The following ZNF565 variants were observed in gnomAD, a reference collection of about 807,000 sequenced individuals.
ZNF565 encodes zinc finger protein 565.
In ZNF565, 27 loss-of-function variants were observed where a neutral mutation model predicts 39.4. The observed-to-expected ratio is 0.69, with a 90% CI of 0.51 to 0.95. The LOEUF (loss-of-function observed/expected upper bound fraction) is 0.95, where lower values mean the gene tolerates loss of function less well. ZNF565 is among the 40% of genes least tolerant of loss of function. The pLI is 0.00. For missense variants in ZNF565, 524 were observed against 621.1 expected, an observed-to-expected ratio of 0.84 and a Z score of 1.66; for synonymous variants, 185 against 216.6, an observed-to-expected ratio of 0.85 and a Z score of 1.28.
At chr19:36,215,853 G>T (rs1409172661), upstream of ZNF565, among the ~76,000 whole-genome samples, 1 of 152,104 alleles carries the variant, frequency 6.6e-6, no homozygotes, top group Non-Finnish European at 1.5e-5. Flanking sequence ...ACGGTTTTAG[G>T]TTAGGCACAG....
chr19:36,209,636 A>G (rs924325661), intron 1 of ZNF565, among the ~76,000 whole-genome samples: 2 of 152,220 alleles, frequency 1.3e-5, no homozygotes, highest in Admixed American at 1.3e-4. Flanking sequence ...TCACATACTC[A>G]GAAAAATCAT....
intron 4 of ZNF565, among the ~76,000 whole-genome samples, chr19:36,188,367 TAAAAG>T (rs56021931): frequency 0.06 from 8,021 of 134,390 alleles, 251 homozygotes; most frequent in Non-Finnish European, 0.073. Context: ...CAAGGAAAAA[TAAAAG>T]AGAGAGAGAA....
At chr19:36,198,404 C>T (rs1260677341) in intron 2 of ZNF565, among the ~76,000 whole-genome samples, 4 of 152,056 alleles carry the variant, frequency 2.6e-5, no homozygotes, top group Non-Finnish European at 5.9e-5. Context: ...TGCATGTTCT[C>T]ACTTATTTGT....
chr19:36,195,793 C>T (rs1467017611), intron 2 of ZNF565, among the ~76,000 whole-genome samples: 1 of 149,614 alleles, frequency 6.7e-6, no homozygotes, highest in African/African-American at 2.5e-5. Flanking sequence ...ATCTGCACGC[C>T]TCAGCCTCCC....
At chr19:36,220,661 C>T (rs574318993) in intron 1 of ZNF565, among the ~76,000 whole-genome samples, 34 of 152,088 alleles carry the variant, frequency 2.2e-4, no homozygotes, top group Admixed American at 1.3e-3. Context: ...CCACGGCGCC[C>T]GGCCTCCTAG....
intron 1 of ZNF565, among the ~76,000 whole-genome samples, chr19:36,227,750 A>C (rs1225783951): frequency 6.6e-6 from 1 of 152,084 alleles, no homozygotes; most frequent in Non-Finnish European, 1.5e-5. Context: ...ACGGTGTGTC[A>C]CTGTGTTGCC....
chr19:36,194,982 C>A (rs1030438363), intron 3 of ZNF565, 48 bp downstream of exon 3: 17 of 1,613,856 alleles, frequency 1.1e-5, no homozygotes, highest in Non-Finnish European at 1.4e-5. Context: ...TGGTTGTAGT[C>A]CCTGTTGCCT....
intron 1 of ZNF565, among the ~76,000 whole-genome samples, chr19:36,205,239 A>T (rs1255176906): frequency 2.0e-5 from 3 of 151,790 alleles, no homozygotes; most frequent in Non-Finnish European, 4.4e-5. Context: ...TAAAAAAGGT[A>T]GGTTTTCAGC....
chr19:36,229,941 A>G (rs1266003834), intron 1 of ZNF565, among the ~76,000 whole-genome samples: 1 of 152,140 alleles, frequency 6.6e-6, no homozygotes, highest in Admixed American at 6.6e-5. Context: ...GCTGGTCTCC[A>G]ACTCCTATCC....
chr19:36,227,922 A>G (rs1361584918), intron 1 of ZNF565, among the ~76,000 whole-genome samples: 2 of 152,154 alleles, frequency 1.3e-5, no homozygotes, highest in Non-Finnish European at 2.9e-5. Flanking sequence ...GCACTTTGGG[A>G]GGCTGAGGTG....
chr19:36,193,391 T>G (rs2145320171), intron 4 of ZNF565, among the ~76,000 whole-genome samples: 1 of 152,032 alleles, frequency 6.6e-6, no homozygotes, highest in South Asian at 2.1e-4. Context: ...GTGCTGGGAT[T>G]ACAGGCATGA....
At chr19:36,221,575 A>G (rs2145407688) in intron 1 of ZNF565, among the ~76,000 whole-genome samples, 1 of 152,312 alleles carries the variant, frequency 6.6e-6, no homozygotes, top group Admixed American at 6.5e-5. Context: ...GGCTTGAGCC[A>G]CCGTGCCTGG....
chr19:36,237,402 G>A, intron 1 of ZNF565: 2 of 1,480,008 alleles, frequency 1.4e-6, no homozygotes, highest in Non-Finnish European at 9.0e-7. Context: ...TCCTTCTGAA[G>A]CAAAGCACCA....
rs1394650789 is a variant in ZNF565, at chr19:36,183,060, T to C, written c.906A>G (p.Thr302=). The C allele has an allele frequency of 1.4e-5, 23 of 1,614,156 alleles. No homozygotes were observed. Among genetic ancestry groups the C allele is most frequent in the Non-Finnish European group, 1.8e-5 (21 of 1,180,022 alleles). The part of the protein sequence containing the change: ...SQLTVHRRIH[T]GARPYECKEC... ...CTTTACACTCATAGGGTCTGGCCCCTGTGTGGATTCTCCGATGCACAGTGA... is the reference window on the plus strand; with the variant it reads ...CTTTACACTCATAGGGTCTGGCCCCCGTGTGGATTCTCCGATGCACAGTGA... Residue 302 remains threonine (T), a synonymous_variant, in exon 5 of 5, where the codon ACA becomes ACG. Transcript: ENST00000304116.
chr19:36,193,290 G>A (rs1012346750), intron 4 of ZNF565, among the ~76,000 whole-genome samples: 5 of 151,614 alleles, frequency 3.3e-5, no homozygotes, highest in East Asian at 3.9e-4. Context: ...GCCAATTTTT[G>A]TATTTTTAGT....
upstream of ZNF565, among the ~76,000 whole-genome samples, chr19:36,217,153 C>G (rs570210095): frequency 6.8e-6 from 1 of 147,180 alleles, no homozygotes; most frequent in Admixed American, 7.0e-5. Flanking sequence ...ACCTCTGCCC[C>G]CCAGGTTCAA....
At chr19:36,238,453 T>G (rs1405502716) in intron 1 of ZNF565, 1 of 167,046 alleles carries the variant, frequency 6.0e-6, no homozygotes, top group Non-Finnish European at 1.5e-5. Context: ...GCTTTTTATA[T>G]AAACATCCAC....
chr19:36,225,284 T>C (rs542165652), intron 1 of ZNF565, among the ~76,000 whole-genome samples: 2 of 152,290 alleles, frequency 1.3e-5, no homozygotes, highest in South Asian at 2.1e-4. Context: ...CCTCAAAATT[T>C]CGTTATTGCA....
At chr19:36,192,137 C>T (rs527319731) in intron 4 of ZNF565, among the ~76,000 whole-genome samples, 4 of 151,870 alleles carry the variant, frequency 2.6e-5, no homozygotes, top group South Asian at 2.1e-4. Flanking sequence ...TACAGGCACC[C>T]GCCACCACGC....
Sources: allele counts gnomAD v4.1 joint callset (sites outside exome capture counted in the v4.1 genomes callset), GRCh38; gene constraint gnomAD v4.1.1; transcripts MANE v1.5; gene names NCBI Gene and HGNC (gene_info 2026-07-23, HGNC 2026-07-21).